The following SREBF2 variants were observed in gnomAD, a reference collection of about 807,000 sequenced individuals.
SREBF2 encodes sterol regulatory element binding transcription factor 2.
Under a neutral mutation model 113.1 loss-of-function variants are expected in SREBF2, and 55 were observed. That is an observed-to-expected ratio of 0.49 (90% CI 0.39 to 0.61). The LOEUF (loss-of-function observed/expected upper bound fraction) is 0.61. SREBF2 is among the 20% of genes least tolerant of loss of function. The probability of loss-of-function intolerance (pLI) is 0.00; values close to 1 mark genes in which losing one functional copy is unlikely to be tolerated. For missense variants in SREBF2, 1,349 were observed against 1,487.4 expected (o/e 0.91, Z 1.53); for synonymous variants, 593 against 605.7 (o/e 0.98, Z 0.31).
chr22:41,887,343 A>G (rs978184574), intron 11 of SREBF2, among the ~76,000 whole-genome samples: 3 of 152,250 alleles, frequency 2.0e-5, no homozygotes, highest in African/African-American at 7.2e-5. Context: ...TACAGAACCA[A>G]GACCCCAGAA....
rs133291 is a variant in SREBF2, at chr22:41,873,624, C to T, written c.868-174C>T. On this transcript the variant is annotated intron_variant, in intron 4 of 18. Transcript: ENST00000361204. ...TGAAGGGAGGTAGTAACCAAGGTTCCGTGGCTCCTGAGACTTCTTGGGGCC... is the reference window on the plus strand; with the variant it reads ...TGAAGGGAGGTAGTAACCAAGGTTCTGTGGCTCCTGAGACTTCTTGGGGCC... The T allele has an allele frequency of 0.23, 149,347 of 655,314 alleles. 18,443 individuals carry two copies. Among genetic ancestry groups the T allele is most frequent in the East Asian group, 0.41 (14,906 of 36,388 alleles). 40.6% of individuals were successfully genotyped at this position (655,314 alleles called of 1,614,324 possible). A position where few individuals can be genotyped will look rare whatever the true frequency, so the allele number is the denominator to read the frequency against.
intron 1 of SREBF2, among the ~76,000 whole-genome samples, chr22:41,836,265 G>A (rs1329799553): frequency 6.6e-6 from 1 of 152,226 alleles, no homozygotes; most frequent in African/African-American, 2.4e-5. Context: ...TGCTGGCTGT[G>A]GTTTCTGAGC....
chr22:41,897,173 C>T lies in SREBF2; in HGVS notation c.2605+12C>T, dbSNP rs374854958. The T allele has an allele frequency of 5.5e-5, 87 of 1,589,808 alleles. No individual in the cohort carries two copies. The highest frequency in any genetic ancestry group is 6.6e-5 in the Non-Finnish European group (77 of 1,161,984). On this transcript the variant is annotated intron_variant, in intron 14 of 18. Coordinates refer to ENST00000361204, the MANE Select transcript of SREBF2 (RefSeq NM_004599.4). ...CAAGTCCGCCCTGGGTAAGCACCTG[C>T]GGGTGGCCCACAGTCTCAGGGTGCT...
At chr22:41,870,684 C>T (rs1315495856) in intron 3 of SREBF2, among the ~76,000 whole-genome samples, 1 of 150,990 alleles carries the variant, frequency 6.6e-6, no homozygotes, top group Non-Finnish European at 1.5e-5. Context: ...CCCTCTTTCT[C>T]CACCTGAACC....
chr22:41,894,911 G>C lies in SREBF2; in HGVS notation c.2469G>C (p.Lys823Asn), dbSNP rs770239926. The change falls in exon 13 of 19, where the codon AAG becomes AAC. Residue 823 changes from lysine (K) to asparagine (N), a missense_variant. Transcript: ENST00000361204. Reference sequence around the variant, plus strand: ...TGGTGAAACCTCAGGCCAAGAAGAAGGCTGGAGACCAGGAAGAAGAGAGCT... The same window carrying C: ...TGGTGAAACCTCAGGCCAAGAAGAACGCTGGAGACCAGGAAGAAGAGAGCT... Reference protein sequence around the residue: ...ESLVKPQAKKKAGDQEEESCE... With the variant: ...ESLVKPQAKKNAGDQEEESCE... 3.1e-6 allele frequency: 5 copies of C among 1,613,914 alleles called. No homozygotes were observed. In the African/African-American group the frequency reaches 5.3e-5, roughly 17 times the overall value.
chr22:41,884,885 G>C lies in SREBF2; in HGVS notation c.2082G>C (p.Ala694=). Residue 694 remains alanine (A), a synonymous_variant, in exon 11 of 19, where the codon GCG becomes GCC. Coordinates refer to ENST00000361204, the MANE Select transcript of SREBF2 (RefSeq NM_004599.4). ...CCGCCTGTTCCGATGTACACATGGC[G>C]TTGTGTGCCGTGAACCTGGCTGAAT... The part of the protein sequence containing the change: ...AGSACSDVHM[A]LCAVNLAECA... 6.2e-7 allele frequency: 1 copy of C among 1,614,220 alleles called. No homozygotes were observed. Among genetic ancestry groups the C allele is most frequent in the Non-Finnish European group, 8.5e-7 (1 of 1,180,044 alleles).
At position 41,877,354 on chromosome 22, in the gene SREBF2, A is replaced by AG; in HGVS notation, c.1516dup (p.Ala506GlyfsTer5). On this transcript the variant is annotated frameshift_variant, in exon 8 of 19. Coordinates refer to ENST00000361204, the MANE Select transcript of SREBF2 (RefSeq NM_004599.4). LOFTEE classifies it high-confidence loss of function. ...CCCTGACTTCCCTGCTGCAGTGGGG[A>AG]GGGGCCCACGACTCTGACCAGCACC... 6.2e-7 allele frequency: 1 copy of AG among 1,613,802 alleles called. No homozygotes were observed. Among genetic ancestry groups the AG allele is most frequent in the Non-Finnish European group, 8.5e-7 (1 of 1,179,948 alleles).
chr22:41,844,533 G>C (rs1003180643), intron 1 of SREBF2, among the ~76,000 whole-genome samples: 1 of 152,152 alleles, frequency 6.6e-6, no homozygotes, highest in African/African-American at 2.4e-5. Flanking sequence ...TTAAGGTAAG[G>C]CTCCCTGGGG....
chr22:41,871,613 C>G (rs1421874529), intron 4 of SREBF2, among the ~76,000 whole-genome samples: 1 of 152,156 alleles, frequency 6.6e-6, no homozygotes, highest in Non-Finnish European at 1.5e-5. Context: ...GAACTGCTGA[C>G]AGGCACGGTG....
At position 41,853,951 on chromosome 22, in the gene SREBF2, C is replaced by T. The variant is rs561427656; in HGVS notation, c.89-12880C>T. Among the ~76,000 whole-genome samples, 526 of 150,282 alleles carry T rather than the reference C, an allele frequency of 3.5e-3. 4 individuals carry two copies. The highest frequency in any genetic ancestry group is 0.012 in the African/African-American group (499 of 40,932). On this transcript the variant is annotated intron_variant, in intron 1 of 18. Transcript: ENST00000361204. ...TCGGGAGGCTGAGGCAGGAGAATGGCGTGAACCCGGGAGGCGGAGCTTGCA... is the reference window on the plus strand; with the variant it reads ...TCGGGAGGCTGAGGCAGGAGAATGGTGTGAACCCGGGAGGCGGAGCTTGCA...
chr22:41,836,062 T>G (rs1170362033), intron 1 of SREBF2, among the ~76,000 whole-genome samples: 1 of 152,250 alleles, frequency 6.6e-6, no homozygotes. Flanking sequence ...TCCATTAGGT[T>G]TGATCCCAGT....
intron 5 of SREBF2, among the ~76,000 whole-genome samples, chr22:41,875,075 C>T (rs192905937): frequency 3.3e-4 from 50 of 152,288 alleles, no homozygotes; most frequent in Non-Finnish European, 6.3e-4. Context: ...AAGCCCTTTA[C>T]ACTCATTATC....
intron 1 of SREBF2, among the ~76,000 whole-genome samples, chr22:41,849,430 G>A (rs1309732058): frequency 3.3e-5 from 5 of 152,004 alleles, no homozygotes; most frequent in Admixed American, 2.6e-4. Flanking sequence ...CCTGACTTCA[G>A]GTGATCCTCC....
chr22:41,837,280 G>A (rs975460790), intron 1 of SREBF2, among the ~76,000 whole-genome samples: 6 of 152,064 alleles, frequency 3.9e-5, no homozygotes, highest in African/African-American at 1.2e-4. Flanking sequence ...ATTTTTGGCC[G>A]GGCACAGTGG....
chr22:41,870,965 T>A lies in SREBF2; in HGVS notation c.797T>A (p.Met266Lys). 1 of 1,614,164 alleles carries A rather than the reference T, an allele frequency of 6.2e-7. No homozygotes were observed. The highest frequency in any genetic ancestry group is 8.5e-7 in the Non-Finnish European group (1 of 1,180,018). ...CTGAAGACAGATGGCAGCCCTGTTA[T>A]GGCTGCGGTCCAGAACCCGGCCCTC... Reference protein sequence around the residue: ...TTLKTDGSPVMAAVQNPALTA... With the variant: ...TTLKTDGSPVKAAVQNPALTA... The change falls in exon 4 of 19, where the codon ATG becomes AAG. Residue 266 changes from methionine to lysine, a missense_variant. Met to Lys is a moderately conservative substitution (Grantham distance 95). Transcript: ENST00000361204.
chr22:41,848,009 G>A (rs1229021328), intron 1 of SREBF2, among the ~76,000 whole-genome samples: 3 of 150,980 alleles, frequency 2.0e-5, no homozygotes, highest in African/African-American at 4.9e-5. Flanking sequence ...TCCGCCTCCC[G>A]GGTTCATGGC....
chr22:41,834,717 G>A (rs2076753209), intron 1 of SREBF2: 2 of 152,254 alleles, frequency 1.3e-5, no homozygotes, highest in South Asian at 4.1e-4. Flanking sequence ...CATGTGGGCA[G>A]TGTGATAAGA....
chr22:41,888,764 A>G (rs2077325427), intron 11 of SREBF2, among the ~76,000 whole-genome samples: 1 of 152,240 alleles, frequency 6.6e-6, no homozygotes, highest in Admixed American at 6.5e-5. Context: ...TGCTGTGTCA[A>G]AGGATATAAA....
intron 1 of SREBF2, among the ~76,000 whole-genome samples, chr22:41,859,914 T>G (rs1183810281): frequency 6.8e-6 from 1 of 146,448 alleles, no homozygotes; most frequent in Non-Finnish European, 1.5e-5. Flanking sequence ...CTCGCCATTC[T>G]CCTGCCTCAA....
Sources: allele counts gnomAD v4.1 joint callset (sites outside exome capture counted in the v4.1 genomes callset), GRCh38; gene constraint gnomAD v4.1.1; transcripts MANE v1.5; gene names NCBI Gene and HGNC (gene_info 2026-07-23, HGNC 2026-07-21).